The following PRKD2 variants were observed in gnomAD, a reference collection of about 807,000 sequenced individuals.
PRKD2 encodes protein kinase D2, also known as serine/threonine-protein kinase D2.
PRKD2 carries 22 observed loss-of-function variants against 86.0 expected under a neutral mutation model. That is an observed-to-expected ratio of 0.26 (90% CI 0.18 to 0.37). PRKD2 has a LOEUF of 0.37. Among genes scored for constraint, PRKD2 ranks in the 10% least tolerant of loss-of-function variants. The pLI is 1.00. For missense variants in PRKD2, 818 were observed against 1,199.2 expected (o/e 0.68, Z 4.70); for synonymous variants, 509 against 510.9 (o/e 1.00, Z 0.05).
intron 9 of PRKD2, among the ~76,000 whole-genome samples, chr19:46,694,594 C>G (rs2053530709): frequency 6.6e-6 from 1 of 151,896 alleles, no homozygotes; most frequent in South Asian, 2.1e-4. Context: ...GATTCCGTCT[C>G]AAAAATAATA....
At position 46,710,990 on chromosome 19, in the gene PRKD2, A is replaced by G; in HGVS notation, c.428T>C (p.Val143Ala). 1 of 1,579,190 alleles carries G rather than the reference A, an allele frequency of 6.3e-7. No homozygotes were observed. The highest frequency in any genetic ancestry group is 8.6e-7 in the Non-Finnish European group (1 of 1,162,560). The change falls in exon 3 of 18, where the codon GTG (valine) becomes GCG (alanine). Residue 143 changes from valine to alanine, a missense_variant. Val to Ala is a moderately conservative substitution (Grantham distance 64). Around this residue, in one of 5 missense-constraint regions of PRKD2, gnomAD observed 403 missense variants for 518.6 expected, o/e 0.78. Transcript: ENST00000291281. Reference sequence around the variant, plus strand: ...GAAGGCAGGCGCCCGATAGGAGTGCACCGTGAGGGCGTGCGGGCGGATCTG... The same window carrying G: ...GAAGGCAGGCGCCCGATAGGAGTGCGCCGTGAGGGCGTGCGGGCGGATCTG... ...DFQIRPHALTVHSYRAPAFCD... is the reference protein window; with the variant it reads ...DFQIRPHALTAHSYRAPAFCD...
intron 3 of PRKD2, among the ~76,000 whole-genome samples, chr19:46,707,182 G>A (rs1338704636): frequency 2.0e-5 from 3 of 151,852 alleles, no homozygotes; most frequent in South Asian, 2.1e-4. Context: ...GTGAGCCACC[G>A]TGCCTGGCCC....
rs772832561 is a variant in PRKD2, at chr19:46,711,059, T to G, written c.380-21A>C. On this transcript the variant is annotated intron_variant, in intron 2 of 17. Transcript: ENST00000291281. Reference sequence around the variant, plus strand: ...CGAGGCTGTAGGCGGAAAATAGGGGTGGATGCTTGAGGCGGGGTAGGCCAA... The same window carrying G: ...CGAGGCTGTAGGCGGAAAATAGGGGGGGATGCTTGAGGCGGGGTAGGCCAA... 10 of 1,569,090 alleles carry G rather than the reference T, an allele frequency of 6.4e-6. No homozygotes were observed. In the South Asian group the frequency reaches 1.2e-4, roughly 18 times the overall value.
At chr19:46,690,483 C>G in intron 13 of PRKD2, 117 bp downstream of exon 13, 2 of 827,754 alleles carry the variant, frequency 2.4e-6, no homozygotes, top group Non-Finnish European at 4.0e-6. Context: ...CACCTTCTCC[C>G]CTTCAGTCTC....
In PRKD2 at chr19:46,697,151, G is replaced by A. The variant is rs2053571121; in HGVS notation, c.1317+6C>T. Reference sequence around the variant, plus strand: ...GTCCGAGGGAGCTGAAAGCCCGGAGGCTTACCTTATAGTATCTGTTGGTCG... The same window carrying A: ...GTCCGAGGGAGCTGAAAGCCCGGAGACTTACCTTATAGTATCTGTTGGTCG... On this transcript the variant is annotated splice_donor_region_variant and intron_variant, in intron 9 of 17. Coordinates refer to ENST00000291281, the MANE Select transcript of PRKD2 (RefSeq NM_016457.5). 2 of 1,565,538 alleles carry A rather than the reference G, an allele frequency of 1.3e-6. No individual in the cohort carries two copies. Among genetic ancestry groups the A allele is most frequent in the Admixed American group, 1.7e-5 (1 of 59,918 alleles).
rs1211951851 is a variant in PRKD2 at position 46,674,533 on chromosome 19, C to A, written c.2627G>T (p.Ser876Ile). The stretch of plus-strand genomic sequence containing the variant: ...CGAGGGCACAGGACCTCAGAGAACA[C>A]TGATGCGCTCCGCCAGCCCCTGCAT... ...HDMQGLAERISVL is the reference protein window; with the variant it reads ...HDMQGLAERIIVL Residue 876 changes from serine to isoleucine, a missense_variant, in exon 18 of 18, where the codon AGT (serine) becomes ATT (isoleucine). Ser to Ile is a moderately radical substitution (Grantham distance 142). Transcript: ENST00000291281. The A allele has an allele frequency of 6.2e-7, 1 of 1,612,534 alleles. No homozygotes were observed.
In PRKD2 at chr19:46,678,155, A is replaced by C. The variant is rs2053239006; in HGVS notation, c.2338+241T>G. On this transcript the variant is annotated intron_variant, in intron 16 of 17. Transcript: ENST00000291281. This position sits in a 1 kb window ranked among gnomAD's most constrained non-coding sequence, Gnocchi z 5.7. Reference sequence around the variant, plus strand: ...CCCCCCTAAGGTTCCAAGTGTCCTCAGCGCTTCTGGGGCACTTGGTTTCCA... The same window carrying C: ...CCCCCCTAAGGTTCCAAGTGTCCTCCGCGCTTCTGGGGCACTTGGTTTCCA... Among the ~76,000 whole-genome samples, 1 of 152,090 alleles carries C rather than the reference A, an allele frequency of 6.6e-6. No individual in the cohort carries two copies. The highest frequency in any genetic ancestry group is 1.5e-5 in the Non-Finnish European group (1 of 68,006).
intron 14 of PRKD2, among the ~76,000 whole-genome samples, chr19:46,682,337 T>C (rs1267722379): frequency 6.6e-6 from 1 of 151,998 alleles, no homozygotes; most frequent in African/African-American, 2.4e-5. Context: ...TTATTTTTAG[T>C]AGAGACAGGG....
chr19:46,691,058 T>G (rs1327951320), intron 12 of PRKD2, among the ~76,000 whole-genome samples: 1 of 152,108 alleles, frequency 6.6e-6, no homozygotes, highest in East Asian at 1.9e-4. Context: ...GACCATATTA[T>G]ACAGAGAAGG....
At chr19:46,703,720 C>T (rs1308586118) in intron 5 of PRKD2, among the ~76,000 whole-genome samples, 27 of 149,266 alleles carry the variant, frequency 1.8e-4, no homozygotes, top group Admixed American at 1.7e-3. Context: ...TGCAGTGAGC[C>T]GAGATCACAC....
Position 46,693,242 on chromosome 19 carries a change from T to G in PRKD2, c.1576+633A>C, listed in dbSNP as rs528270153. ...TCTGAAGATGGGTATTCTGCCCTACTGGACTCTGAGCCCCATGAGGGCAGG... is the reference window on the plus strand; with the variant it reads ...TCTGAAGATGGGTATTCTGCCCTACGGGACTCTGAGCCCCATGAGGGCAGG... On this transcript the variant is annotated intron_variant, in intron 10 of 17. Transcript: ENST00000291281. The surrounding 1 kb of genome is among the most constrained non-coding windows in gnomAD (Gnocchi z 4.5). Among the ~76,000 whole-genome samples the G allele has an allele frequency of 1.3e-5, 2 of 150,908 alleles. No individual in the cohort carries two copies. Among genetic ancestry groups the G allele is most frequent in the Non-Finnish European group, 3.0e-5 (2 of 67,716 alleles).
chr19:46,697,720 C>T lies in PRKD2; in HGVS notation c.1239+13G>A, dbSNP rs2053581599. 3 of 1,606,988 alleles carry T rather than the reference C, an allele frequency of 1.9e-6. No homozygotes were observed. Among genetic ancestry groups the T allele is most frequent in the Non-Finnish European group, 2.6e-6 (3 of 1,174,252 alleles). On this transcript the variant is annotated intron_variant, in intron 8 of 17. Transcript: ENST00000291281. ...TTCGCTCCGCCGTACCCGGCCCCGC[C>T]CCGGCCACTCACCAGCGTGTCCTTG...
chr19:46,690,239 T>C (rs1317236033), intron 13 of PRKD2, among the ~76,000 whole-genome samples: 2 of 152,004 alleles, frequency 1.3e-5, no homozygotes, highest in Non-Finnish European at 1.5e-5. Context: ...TACAATCACT[T>C]CCCTTTCCAC....
At chr19:46,680,947 T>TATATATATATATATATATATATATATATA (rs1555826536) in intron 15 of PRKD2, among the ~76,000 whole-genome samples, 1 of 33,226 alleles carries the variant, frequency 3.0e-5, no homozygotes, top group Non-Finnish European at 6.7e-5. Context: ...TATATATATA[T>TATATATATATATATATATATATATATATA]TTTTTTTTTT....
At chr19:46,692,362 C>T (rs1249713449) in intron 10 of PRKD2, among the ~76,000 whole-genome samples, 1 of 151,972 alleles carries the variant, frequency 6.6e-6, no homozygotes, top group Non-Finnish European at 1.5e-5. Context: ...CTGACTCCTG[C>T]ATCTTCCCTT....
Position 46,697,629 on chromosome 19 carries a change from C to G in PRKD2, c.1239+104G>C, listed in dbSNP as rs530198399. 7 of 1,060,402 alleles carry G rather than the reference C, an allele frequency of 6.6e-6. No individual in the cohort carries two copies. The South Asian group carries it at 8.5e-5, about 13-fold the overall frequency. 65.7% of individuals were successfully genotyped at this position (1,060,402 alleles called of 1,614,324 possible). ...GGCCCAGCCCACTACTGGCCCCGCT[C>G]GCGCCTAGCTCCAGCCCCACCCACC... On this transcript the variant is annotated intron_variant, in intron 8 of 17. Transcript: ENST00000291281.
Position 46,689,630 on chromosome 19 carries a change from C to T in PRKD2, c.1878G>A (p.Val626=), listed in dbSNP as rs755000061. 1.1e-5 allele frequency: 17 copies of T among 1,614,058 alleles called. No individual in the cohort carries two copies. Among genetic ancestry groups the T allele is most frequent in the Middle Eastern group, 3.3e-4 (2 of 6,084 alleles). The change falls in exon 14 of 18, where the codon GTG becomes GTA. Residue 626 remains valine (V), a synonymous_variant. Coordinates refer to ENST00000291281, the MANE Select transcript of PRKD2 (RefSeq NM_016457.5). ...MFETPEKVFV[V]MEKLHGDMLE... Reference sequence around the variant, plus strand: ...ACATGTCCCCATGCAGCTTCTCCATCACCACAAACACTTTCTCAGGCGTCT... The same window carrying T: ...ACATGTCCCCATGCAGCTTCTCCATTACCACAAACACTTTCTCAGGCGTCT...
intron 10 of PRKD2, among the ~76,000 whole-genome samples, chr19:46,692,789 G>A (rs548571766): frequency 6.6e-6 from 1 of 152,172 alleles, no homozygotes; most frequent in South Asian, 2.1e-4. Context: ...TCTGCCTTCT[G>A]GTCTCTGCAT....
At chr19:46,711,154 C>T (rs432157) in intron 2 of PRKD2, 116 bp from the exon 3 acceptor site, 167,684 of 1,383,300 alleles carry the variant, frequency 0.12, 10,752 homozygotes, top group Non-Finnish European at 0.13. Flanking sequence ...TCTTTCCTTC[C>T]TTCCTTCATT....
Sources: gnomAD v4.1 joint callset for allele counts (sites outside exome capture counted in the v4.1 genomes callset) on GRCh38, gnomAD v4.1.1 for gene constraint, gnomAD v4.1.1 regional missense constraint, Gnocchi (gnomAD v3.1) non-coding constraint, MANE v1.5 for transcripts, NCBI Gene and HGNC (gene_info 2026-07-23, HGNC 2026-07-21) for gene names.